Variants in ARID5B observed in about 807,000 individuals in gnomAD.
ARID5B encodes AT-rich interaction domain 5B.
ARID5B carries 13 observed loss-of-function variants against 97.2 expected under a neutral mutation model. The ratio of observed to expected loss-of-function variants is 0.13; its 90% CI spans 0.09 to 0.21. ARID5B has a LOEUF of 0.21. Ranked by LOEUF, ARID5B falls within the 10% of genes least tolerant of loss-of-function variation. The pLI is 1.00. For synonymous variants in ARID5B, 556 were observed against 570.3 expected, an observed-to-expected ratio of 0.97 and a Z score of 0.36; for missense variants, 1,210 against 1,465.3, an observed-to-expected ratio of 0.83 and a Z score of 2.84.
intron 3 of ARID5B, among the ~76,000 whole-genome samples, chr10:61,995,663 C>G (rs756027220): frequency 2.6e-5 from 4 of 152,000 alleles, no homozygotes; most frequent in Non-Finnish European, 5.9e-5. Context: ...AATGTTTTCA[C>G]CAATAAAATA....
At chr10:61,960,382 G>A (rs2132821141) in intron 3 of ARID5B, among the ~76,000 whole-genome samples, 1 of 152,194 alleles carries the variant, frequency 6.6e-6, no homozygotes, top group Non-Finnish European at 1.5e-5. Flanking sequence ...ATTTTCTATG[G>A]CTTAATTTTT....
At chr10:61,934,356 T>G (rs987098187) in intron 2 of ARID5B, among the ~76,000 whole-genome samples, 4 of 152,226 alleles carry the variant, frequency 2.6e-5, no homozygotes, top group Non-Finnish European at 5.9e-5. Context: ...TGCTTTGAAT[T>G]TCCTTTAAGA....
At chr10:61,945,207 C>T (rs530701887) in intron 3 of ARID5B, among the ~76,000 whole-genome samples, 3 of 152,196 alleles carry the variant, frequency 2.0e-5, no homozygotes, top group Non-Finnish European at 2.9e-5. Flanking sequence ...TGAAGACATG[C>T]CTCTTATTGG....
chr10:62,011,031 CT>C (rs1397620495), intron 4 of ARID5B, among the ~76,000 whole-genome samples: 1 of 152,178 alleles, frequency 6.6e-6, no homozygotes, highest in Admixed American at 6.5e-5. Context: ...ATATGGAAAA[CT>C]CCTTGGTAGA....
At chr10:62,074,194 G>A (rs117190135) in intron 8 of ARID5B, among the ~76,000 whole-genome samples, 225 of 152,286 alleles carry the variant, frequency 1.5e-3, no homozygotes, top group Middle Eastern at 3.4e-3. Flanking sequence ...TTTAAAAGGA[G>A]CATTAAAGCA....
In ARID5B at chr10:62,081,718, AAG is replaced by A. The variant is rs200647581; in HGVS notation, c.1200-3981_1200-3980del. On this transcript the variant is annotated intron_variant, in intron 8 of 9. Coordinates refer to ENST00000279873, the MANE Select transcript of ARID5B (RefSeq NM_032199.3). ...GTTTAAAAAAATAATAAAAGGGAGAAAGAGTTGGCAGGTTGCCAGATTACTTA... is the reference window on the plus strand; with the variant it reads ...GTTTAAAAAAATAATAAAAGGGAGAAAGTTGGCAGGTTGCCAGATTACTTA... 5.7e-3 allele frequency among the ~76,000 whole-genome samples: 873 copies of A among 152,358 alleles called. 10 individuals carry two copies. The highest frequency in any genetic ancestry group is 0.02 in the African/African-American group (839 of 41,586).
At chr10:62,051,073 T>C in intron 5 of ARID5B, 73 bp downstream of exon 5, 1 of 1,260,682 alleles carries the variant, frequency 7.9e-7, no homozygotes, top group South Asian at 1.2e-5. Context: ...TATCTCTCTG[T>C]GCCTGTGTCT....
intron 3 of ARID5B, among the ~76,000 whole-genome samples, chr10:61,952,883 C>G (rs1838342195): frequency 6.6e-6 from 1 of 151,738 alleles, no homozygotes; most frequent in African/African-American, 2.4e-5. Flanking sequence ...CATTTTACAT[C>G]TTAATAGTGG....
At position 62,092,745 on chromosome 10, in the gene ARID5B, G is replaced by T. The variant is rs779771698; in HGVS notation, c.3282G>T (p.Arg1094Ser). The T allele has an allele frequency of 3.1e-6, 5 of 1,614,102 alleles. No homozygotes were observed. Among genetic ancestry groups the T allele is most frequent in the Admixed American group, 1.7e-5 (1 of 60,024 alleles). Residue 1094 changes from arginine (R) to serine (S), a missense_variant, in exon 10 of 10, where the codon AGG (arginine) becomes AGT (serine). By Grantham distance (110) the Arg-to-Ser change is moderately radical. Around this residue, in one of 8 missense-constraint regions of ARID5B, gnomAD observed 800 missense variants for 839.1 expected, o/e 0.95. Transcript: ENST00000279873. ...TGTGTAACTCGGGCCTCAACTCCAGGCTCCCGGCTGGGTATTCTCATTCTC... is the reference window on the plus strand; with the variant it reads ...TGTGTAACTCGGGCCTCAACTCCAGTCTCCCGGCTGGGTATTCTCATTCTC... ...GSLCNSGLNS[R>S]LPAGYSHSLQ...
At chr10:62,045,425 C>T (rs1402268761) in intron 4 of ARID5B, among the ~76,000 whole-genome samples, 1 of 150,150 alleles carries the variant, frequency 6.7e-6, no homozygotes, top group Non-Finnish European at 1.5e-5. Context: ...GAGCAATGCT[C>T]CATGCTGAAA....
chr10:61,990,902 T>C (rs1838914555), intron 3 of ARID5B, among the ~76,000 whole-genome samples: 1 of 152,170 alleles, frequency 6.6e-6, no homozygotes, highest in African/African-American at 2.4e-5. Context: ...CATTAAGCAA[T>C]AGCTCTCCAT....
rs141216115 is a variant in ARID5B, at chr10:62,050,694, G to T, written c.734-194G>T. Reference sequence around the variant, plus strand: ...GCTAAATAGATTAGCTTTGGGAAACGTGTACAGAAATGTATACTCTACCAA... The same window carrying T: ...GCTAAATAGATTAGCTTTGGGAAACTTGTACAGAAATGTATACTCTACCAA... On this transcript the variant is annotated intron_variant, in intron 4 of 9. Coordinates refer to ENST00000279873, the MANE Select transcript of ARID5B (RefSeq NM_032199.3). 8.5e-5 allele frequency among the ~76,000 whole-genome samples: 13 copies of T among 152,264 alleles called. No individual in the cohort carries two copies. The East Asian group carries it at 2.5e-3, about 29-fold the overall frequency.
At chr10:62,083,449 A>G (rs963702910) in intron 8 of ARID5B, among the ~76,000 whole-genome samples, 1 of 152,078 alleles carries the variant, frequency 6.6e-6, no homozygotes, top group African/African-American at 2.4e-5. Flanking sequence ...ACCCAGAGTG[A>G]GGGGTCCTTG....
chr10:62,075,233 C>T (rs4948501), intron 8 of ARID5B, among the ~76,000 whole-genome samples: 12 of 152,200 alleles, frequency 7.9e-5, no homozygotes, highest in Admixed American at 2.0e-4. Flanking sequence ...GCCGTCTGTG[C>T]GCTTCCTGAC....
intron 3 of ARID5B, among the ~76,000 whole-genome samples, chr10:61,997,614 T>C (rs75300632): frequency 6.6e-6 from 1 of 152,296 alleles, no homozygotes; most frequent in East Asian, 1.9e-4. Flanking sequence ...AATTTTAGAA[T>C]CAACAGGTAT....
At chr10:61,976,929 A>G (rs1838708484) in intron 3 of ARID5B, among the ~76,000 whole-genome samples, 1 of 151,194 alleles carries the variant, frequency 6.6e-6, no homozygotes. Flanking sequence ...TTACATATGT[A>G]TACATGTGCC....
intron 3 of ARID5B, among the ~76,000 whole-genome samples, chr10:61,947,443 A>G (rs1022306481): frequency 1.3e-5 from 2 of 150,882 alleles, no homozygotes; most frequent in African/African-American, 4.9e-5. Flanking sequence ...TAATTTTTGT[A>G]TTTTTTCAGT....
chr10:61,905,442 A>AG lies in ARID5B; in HGVS notation c.276+3032dup, dbSNP rs762130463. 1.5e-3 allele frequency among the ~76,000 whole-genome samples: 210 copies of AG among 142,038 alleles called. 1 individual carries two copies. Among genetic ancestry groups the AG allele is most frequent in the Non-Finnish European group, 2.7e-3 (176 of 65,028 alleles). 93.2% of individuals were successfully genotyped at this position (142,038 alleles called of 152,430 possible). Reference sequence around the variant, plus strand: ...CTGTGTGGTTTGCTGTGATTTGCAGAGGGTTTTTTTTTTTTTGGAATATTT... The same window carrying AG: ...CTGTGTGGTTTGCTGTGATTTGCAGAGGGGTTTTTTTTTTTTTGGAATATTT... On this transcript the variant is annotated intron_variant, in intron 2 of 9. Coordinates refer to ENST00000279873, the MANE Select transcript of ARID5B (RefSeq NM_032199.3).
chr10:61,947,605 T>A (rs919610150), intron 3 of ARID5B, among the ~76,000 whole-genome samples: 11 of 152,152 alleles, frequency 7.2e-5, no homozygotes, highest in African/African-American at 4.8e-5. Flanking sequence ...ATACATATGG[T>A]TATAACACAT....
Sources: allele counts gnomAD v4.1 joint callset (sites outside exome capture counted in the v4.1 genomes callset), GRCh38; gene constraint gnomAD v4.1.1; regional missense constraint gnomAD v4.1.1; transcripts MANE v1.5; gene names NCBI Gene and HGNC (gene_info 2026-07-23, HGNC 2026-07-21).